DLGAP1: variants seen among roughly 807,000 people sequenced by gnomAD.
DLGAP1 encodes the protein DLG associated protein 1.
In DLGAP1, 11 loss-of-function variants were observed where a neutral mutation model predicts 90.8. The observed-to-expected ratio is 0.12, with a 90% CI of 0.08 to 0.20. DLGAP1 has a LOEUF of 0.20. DLGAP1 is among the 10% of genes least tolerant of loss of function. The pLI is 1.00. For missense variants in DLGAP1, 1,050 were observed against 1,333.8 expected (o/e 0.79, Z 3.31); for synonymous variants, 558 against 540.7 (o/e 1.03, Z -0.44).
At position 3,729,007 on chromosome 18, in the gene DLGAP1, G is replaced by A. The variant is rs2062305239; in HGVS notation, c.1591+128C>T. 1 of 1,389,236 alleles carries A rather than the reference G, an allele frequency of 7.2e-7. No individual in the cohort carries two copies. Among genetic ancestry groups the A allele is most frequent in the African/African-American group, 1.4e-5 (1 of 69,288 alleles). The allele number at this position is 1,389,236 out of a possible 1,614,324, so 86.1% of individuals were successfully genotyped here. ...GGCAGATAGGGAAGGAAAACCTTTG[G>A]TTTGTAGGACATGGGTGGTATCTTG... On this transcript the variant is annotated intron_variant, in intron 7 of 12. Transcript: ENST00000315677. This position sits in a 1 kb window ranked among gnomAD's most constrained non-coding sequence, Gnocchi z 6.2.
chr18:3,681,788 T>A (rs1012723864), intron 7 of DLGAP1, among the ~76,000 whole-genome samples: 1 of 152,144 alleles, frequency 6.6e-6, no homozygotes, highest in Admixed American at 6.5e-5. Context: ...CCCTTCTTGA[T>A]ATTGTCCTCA....
At chr18:4,028,901 A>AT (rs1171531379) in intron 2 of DLGAP1, among the ~76,000 whole-genome samples, 1 of 151,934 alleles carries the variant, frequency 6.6e-6, no homozygotes, top group African/African-American at 2.4e-5. Flanking sequence ...TTTTACTTAA[A>AT]TTTTTTTTCA....
chr18:3,732,387 T>C (rs951814492), intron 6 of DLGAP1, among the ~76,000 whole-genome samples: 2 of 152,238 alleles, frequency 1.3e-5, no homozygotes, highest in Non-Finnish European at 2.9e-5. Flanking sequence ...CAAAATGCAA[T>C]ATTCTATAAT....
At chr18:4,274,470 T>G (rs902181555) in intron 1 of DLGAP1, among the ~76,000 whole-genome samples, 1 of 152,144 alleles carries the variant, frequency 6.6e-6, no homozygotes, top group African/African-American at 2.4e-5. Context: ...CCCTCTCACT[T>G]TGGACAGTCG....
intron 2 of DLGAP1, among the ~76,000 whole-genome samples, chr18:4,136,233 T>C (rs1282772398): frequency 1.3e-5 from 2 of 152,168 alleles, no homozygotes; most frequent in African/African-American, 4.8e-5. Flanking sequence ...TTCAATATAC[T>C]GATTTATTTT....
chr18:4,209,788 T>C (rs2077803867), intron 1 of DLGAP1, among the ~76,000 whole-genome samples: 1 of 152,172 alleles, frequency 6.6e-6, no homozygotes. Context: ...GTGGAGTGAA[T>C]ATAATAGTGT....
intron 1 of DLGAP1, among the ~76,000 whole-genome samples, chr18:4,287,096 T>G (rs1172639932): frequency 6.6e-6 from 1 of 152,194 alleles, no homozygotes; most frequent in Non-Finnish European, 1.5e-5. Flanking sequence ...ATAGTAGATC[T>G]GATCACAGCT....
At chr18:3,756,850 C>A (rs952521771) in intron 5 of DLGAP1, among the ~76,000 whole-genome samples, 4 of 151,846 alleles carry the variant, frequency 2.6e-5, no homozygotes, top group South Asian at 2.1e-4. Flanking sequence ...GAAAAAAATT[C>A]TAAAAAAACC....
intron 4 of DLGAP1, among the ~76,000 whole-genome samples, chr18:3,833,586 G>A (rs1163036338): frequency 6.6e-6 from 1 of 152,074 alleles, no homozygotes; most frequent in Non-Finnish European, 1.5e-5. Context: ...CTGTTACACA[G>A]AAACAAACAA....
At chr18:4,344,333 C>T (rs886919261) in intron 1 of DLGAP1, among the ~76,000 whole-genome samples, 5 of 152,036 alleles carry the variant, frequency 3.3e-5, no homozygotes, top group African/African-American at 7.2e-5. Context: ...TGACCAATAT[C>T]GCGATGCTAG....
At chr18:3,874,439 T>C in intron 4 of DLGAP1, 1 of 1,436,698 alleles carries the variant, frequency 7.0e-7, no homozygotes, top group Non-Finnish European at 9.1e-7. Context: ...AAAATCTTGC[T>C]CTTCTGAATG....
chr18:4,182,531 C>T (rs1455656868), intron 1 of DLGAP1, among the ~76,000 whole-genome samples: 1 of 152,050 alleles, frequency 6.6e-6, no homozygotes, highest in African/African-American at 2.4e-5. Flanking sequence ...TAAGCATTGA[C>T]TGTTCTTTGT....
intron 5 of DLGAP1, among the ~76,000 whole-genome samples, chr18:3,746,490 T>C (rs1016517155): frequency 2.0e-5 from 3 of 152,266 alleles, no homozygotes; most frequent in South Asian, 2.1e-4. Flanking sequence ...TTAAAACTTT[T>C]GTTCAGCCAA....
intron 7 of DLGAP1, among the ~76,000 whole-genome samples, chr18:3,675,421 C>T (rs993914807): frequency 2.0e-5 from 3 of 152,112 alleles, no homozygotes; most frequent in African/African-American, 4.8e-5. Context: ...CTCTACAACA[C>T]GATTAAATAT....
chr18:3,632,655 T>C (rs1231950091), intron 7 of DLGAP1, among the ~76,000 whole-genome samples: 1 of 152,226 alleles, frequency 6.6e-6, no homozygotes, highest in Non-Finnish European at 1.5e-5. Flanking sequence ...CTCTCATTTA[T>C]GATGCCTTGT....
At chr18:4,131,627 G>T (rs1333899331) in intron 2 of DLGAP1, among the ~76,000 whole-genome samples, 2 of 152,056 alleles carry the variant, frequency 1.3e-5, no homozygotes, top group African/African-American at 4.8e-5. Flanking sequence ...GAGGACTAGA[G>T]GACAATGCTC....
rs2049786676 is a variant in DLGAP1, at chr18:3,498,995, C to CG, written c.*189dup. The CG allele has an allele frequency of 1.8e-6, 1 of 559,078 alleles. No individual in the cohort carries two copies. The highest frequency in any genetic ancestry group is 2.1e-5 in the African/African-American group (1 of 47,026). The allele number at this position is 559,078 out of a possible 1,614,324, so 34.6% of individuals were successfully genotyped here. On this transcript the variant is annotated 3_prime_UTR_variant, in exon 13 of 13. Transcript: ENST00000315677. ...CTCGGTGAAGAAGGAGATGGGCAAACGGGTACGGGAAGTGGGGGGCTGAGG... is the reference window on the plus strand; with the variant it reads ...CTCGGTGAAGAAGGAGATGGGCAAACGGGGTACGGGAAGTGGGGGGCTGAGG...
intron 1 of DLGAP1, among the ~76,000 whole-genome samples, chr18:4,332,645 T>C (rs972488092): frequency 1.3e-5 from 2 of 151,934 alleles, no homozygotes; most frequent in Non-Finnish European, 2.9e-5. Context: ...GCAGAGACAT[T>C]TGAATATTTC....
Position 4,342,868 on chromosome 18 carries a change from C to A in DLGAP1, c.-267+112138G>T, listed in dbSNP as rs1307709451. On this transcript the variant is annotated intron_variant, in intron 1 of 12. Transcript: ENST00000315677. This position sits in a 1 kb window ranked among gnomAD's most constrained non-coding sequence, Gnocchi z 5.8. ...AATTCATAGAGAACATTATTAACAA[C>A]CCTAGTAAATAGCTTTGCATAAACA... Among the ~76,000 whole-genome samples, 2 of 152,114 alleles carry A rather than the reference C, an allele frequency of 1.3e-5. No individual in the cohort carries two copies. The highest frequency in any genetic ancestry group is 1.9e-4 in the East Asian group (1 of 5,194).
Sources: allele counts gnomAD v4.1 joint callset (sites outside exome capture counted in the v4.1 genomes callset), GRCh38; gene constraint gnomAD v4.1.1; non-coding constraint Gnocchi (gnomAD v3.1); transcripts MANE v1.5; gene names NCBI Gene and HGNC (gene_info 2026-07-23, HGNC 2026-07-21).